CCDC66: variants seen among roughly 807,000 people sequenced by gnomAD.
CCDC66 encodes the protein coiled-coil domain containing 66.
Under a neutral mutation model 128.3 loss-of-function variants are expected in CCDC66, and 133 were observed. The ratio of observed to expected loss-of-function variants is 1.04; its 90% CI spans 0.90 to 1.20. The LOEUF is 1.20. CCDC66 is among the 50% of genes most tolerant of loss of function. The probability of loss-of-function intolerance (pLI) is 0.00; values close to 1 mark genes in which losing one functional copy is unlikely to be tolerated. For missense variants in CCDC66, 1,126 were observed against 1,075.5 expected (o/e 1.05, Z -0.66); for synonymous variants, 387 against 357.0 (o/e 1.08, Z -0.95).
rs748009161 is a variant in CCDC66 at position 56,615,230 on chromosome 3, CA to C, written c.1673del (p.Lys558ArgfsTer8). ...AGAACAAAGAATCCGAGAATTGGCG[CA>C]AAAGGGACATGACACTTCTAGACTG... ...KQEQRIRELA[Q>X]KGHDTSRLIK... On this transcript the variant is annotated frameshift_variant, in exon 12 of 18. Coordinates refer to ENST00000394672, the MANE Select transcript of CCDC66 (RefSeq NM_001141947.3). LOFTEE classifies it high-confidence loss of function. 2 of 1,613,868 alleles carry C rather than the reference CA, an allele frequency of 1.2e-6. No individual in the cohort carries two copies. Among genetic ancestry groups the C allele is most frequent in the East Asian group, 4.5e-5 (2 of 44,860 alleles).
At chr3:56,602,415 A>T (rs4060982) in intron 10 of CCDC66, among the ~76,000 whole-genome samples, 4,867 of 152,132 alleles carry the variant, frequency 0.032, 116 homozygotes, top group Middle Eastern at 0.072. Flanking sequence ...CATCAGGGAT[A>T]TTGGCCTGAA....
chr3:56,595,690 G>C (rs2071751700), intron 10 of CCDC66, among the ~76,000 whole-genome samples: 2 of 152,206 alleles, frequency 1.3e-5, no homozygotes, highest in African/African-American at 4.8e-5. Flanking sequence ...GTTAGCACAA[G>C]AGTGCAGGTT....
intron 3 of CCDC66, chr3:56,561,010 T>C (rs2065023576): frequency 2.2e-6 from 1 of 447,520 alleles, no homozygotes; most frequent in South Asian, 1.6e-5. Flanking sequence ...ACTCAATAAA[T>C]AGGTGAAGAT....
Position 56,621,680 on chromosome 3 carries a change from T to TGGCTC in CCDC66, c.*63_*67dup. On this transcript the variant is annotated 3_prime_UTR_variant, in exon 18 of 18. Coordinates refer to ENST00000394672, the MANE Select transcript of CCDC66 (RefSeq NM_001141947.3). ...CTTCCAAATTATAAAATGTGCTCAC[T>TGGCTC]GGCTCAACTGTATTTTTCAAATAGC... 8.8e-7 allele frequency: 1 copy of TGGCTC among 1,132,074 alleles called. No homozygotes were observed. The highest frequency in any genetic ancestry group is 1.4e-5 in the South Asian group (1 of 70,922). 70.1% of individuals were successfully genotyped at this position (1,132,074 alleles called of 1,614,324 possible). A position where few individuals can be genotyped will look rare whatever the true frequency, so the allele number is the denominator to read the frequency against.
At chr3:56,618,864 A>T (rs570883117) in intron 15 of CCDC66, 1 of 167,866 alleles carries the variant, frequency 6.0e-6, no homozygotes, top group Non-Finnish European at 1.3e-5. Context: ...TTATGGAACA[A>T]TATTATAGAG....
chr3:56,584,704 G>T (rs111424971), intron 7 of CCDC66, among the ~76,000 whole-genome samples: 1 of 151,730 alleles, frequency 6.6e-6, no homozygotes, highest in Admixed American at 6.6e-5. Context: ...GCCGGGCAGA[G>T]GCTGCAATCT....
Position 56,619,473 on chromosome 3 carries a change from G to T in CCDC66, c.2581G>T (p.Asp861Tyr). ...RTNEIYYLDP[D>Y]APLSGPSTQD... The stretch of plus-strand genomic sequence containing the variant: ...AAATGAGATCTATTACCTTGATCCC[G>T]ATGCACCATTGTCTGGGCCTTCAAC... The change falls in exon 16 of 18, where the codon GAT (aspartate) becomes TAT (tyrosine). Residue 861 changes from aspartate to tyrosine, a missense_variant. By Grantham distance (160) the Asp-to-Tyr change is radical (BLOSUM62 -3). Coordinates refer to ENST00000394672, the MANE Select transcript of CCDC66 (RefSeq NM_001141947.3). 6.2e-7 allele frequency: 1 copy of T among 1,613,922 alleles called. No individual in the cohort carries two copies. Among genetic ancestry groups the T allele is most frequent in the Non-Finnish European group, 8.5e-7 (1 of 1,179,946 alleles).
chr3:56,566,048 A>G (rs1382920854), intron 4 of CCDC66, among the ~76,000 whole-genome samples: 3 of 152,174 alleles, frequency 2.0e-5, no homozygotes, highest in African/African-American at 4.8e-5. Flanking sequence ...CTTATTTGAT[A>G]TAAGAAATTG....
rs527609215 is a variant in CCDC66 at position 56,576,480 on chromosome 3, A to G, written c.936+5178A>G. 6.6e-5 allele frequency among the ~76,000 whole-genome samples: 10 copies of G among 151,266 alleles called. No individual in the cohort carries two copies. In the East Asian group the frequency reaches 1.8e-3, roughly 27 times the overall value. On this transcript the variant is annotated intron_variant, in intron 7 of 17. Coordinates refer to ENST00000394672, the MANE Select transcript of CCDC66 (RefSeq NM_001141947.3). Reference sequence around the variant, plus strand: ...ATGCAGGTTTGTTACATATGTATACATGTGTCATGTTGGTGTGCTGCACCC... The same window carrying G: ...ATGCAGGTTTGTTACATATGTATACGTGTGTCATGTTGGTGTGCTGCACCC...
intron 17 of CCDC66, 46 bp downstream of exon 17, chr3:56,619,947 T>C (rs1236430384): frequency 1.3e-6 from 2 of 1,586,824 alleles, no homozygotes; most frequent in South Asian, 1.1e-5. Flanking sequence ...TTATGTGGCG[T>C]GGGCGGTTGG....
intron 1 of CCDC66, among the ~76,000 whole-genome samples, chr3:56,558,425 TA>T (rs2064660381): frequency 6.6e-6 from 1 of 152,244 alleles, no homozygotes; most frequent in Admixed American, 6.5e-5. Context: ...GCATTGTTAG[TA>T]GTCATATCGA....
intron 6 of CCDC66, among the ~76,000 whole-genome samples, chr3:56,567,794 G>A (rs2066071653): frequency 1.3e-5 from 2 of 151,980 alleles, no homozygotes; most frequent in Admixed American, 6.6e-5. Flanking sequence ...CCGGGTTCAC[G>A]CCATTCTGCC....
intron 6 of CCDC66, 28 bp from the exon 7 acceptor site, chr3:56,571,152 CA>C: frequency 1.4e-6 from 2 of 1,445,630 alleles, no homozygotes; most frequent in Non-Finnish European, 1.9e-6. Context: ...AGTTTTTGTA[CA>C]TTTTTTTAAA....
intron 13 of CCDC66, 119 bp downstream of exon 13, chr3:56,616,172 A>T (rs775148606): frequency 1.6e-5 from 14 of 867,382 alleles, no homozygotes; most frequent in Non-Finnish European, 2.3e-5. Flanking sequence ...TTTCAGTAAG[A>T]GTTACAAAAT....
At position 56,593,009 on chromosome 3, in the gene CCDC66, CAAG is replaced by C. The variant is rs1328892480; in HGVS notation, c.979_981del (p.Glu327del). ...GGAGCACCCTTTCAGTGCTGTGAAA[CAAG>C]AACTGCAAAGAAAATGGATTGAAGA... On this transcript the variant is annotated inframe_deletion, in exon 8 of 18. Coordinates refer to ENST00000394672, the MANE Select transcript of CCDC66 (RefSeq NM_001141947.3). 2 of 1,610,494 alleles carry C rather than the reference CAAG, an allele frequency of 1.2e-6. No individual in the cohort carries two copies. The highest frequency in any genetic ancestry group is 1.7e-6 in the Non-Finnish European group (2 of 1,178,836).
intron 7 of CCDC66, among the ~76,000 whole-genome samples, chr3:56,575,481 T>C (rs2067232669): frequency 6.6e-6 from 1 of 151,872 alleles, no homozygotes; most frequent in Non-Finnish European, 1.5e-5. Context: ...ATATTTTGTA[T>C]GATAATCCCT....
chr3:56,594,070 C>T (rs2106953524), intron 10 of CCDC66, 42 bp downstream of exon 10: 5 of 1,532,462 alleles, frequency 3.3e-6, no homozygotes, highest in Non-Finnish European at 3.6e-6. Context: ...TAATAAGTAA[C>T]AGTCATGGTG....
Position 56,613,691 on chromosome 3 carries a change from G to C in CCDC66, c.1507G>C (p.Glu503Gln). The C allele has an allele frequency of 6.2e-7, 1 of 1,614,078 alleles. No homozygotes were observed. The highest frequency in any genetic ancestry group is 1.1e-5 in the South Asian group (1 of 91,046). Residue 503 changes from glutamate (E) to glutamine (Q), a missense_variant, in exon 11 of 18, where the codon GAA becomes CAA. Glu to Gln is a conservative substitution (Grantham distance 29, BLOSUM62 2). Transcript: ENST00000394672. ...AGAAGAGGAGCTTCGCTTAGCACAG[G>C]AACGTGAAGAGATGCAGAAACAGTA... The part of the protein sequence containing the change: ...EQEEELRLAQ[E>Q]REEMQKQYEE...
chr3:56,588,138 G>A (rs2070152496), intron 7 of CCDC66, among the ~76,000 whole-genome samples: 1 of 152,232 alleles, frequency 6.6e-6, no homozygotes, highest in East Asian at 1.9e-4. Flanking sequence ...AGGAATGAAT[G>A]AATAGCATTT....
Sources: allele counts gnomAD v4.1 joint callset (sites outside exome capture counted in the v4.1 genomes callset), GRCh38; gene constraint gnomAD v4.1.1; transcripts MANE v1.5; gene names NCBI Gene and HGNC (gene_info 2026-07-23, HGNC 2026-07-21).